The following PALM2AKAP2 variants were observed in gnomAD, a reference collection of about 807,000 sequenced individuals.
PALM2AKAP2 encodes the protein PALM2-AKAP2 fusion protein.
Under a neutral mutation model 71.5 loss-of-function variants are expected in PALM2AKAP2, and 37 were observed. The observed-to-expected ratio is 0.52, with a 90% confidence interval of 0.40 to 0.68. PALM2AKAP2 has a LOEUF of 0.68. PALM2AKAP2 is among the 30% of genes least tolerant of loss of function. PALM2AKAP2 has a pLI of 0.00. For synonymous variants in PALM2AKAP2, 468 were observed against 478.8 expected, an observed-to-expected ratio of 0.98 and a Z score of 0.29; for missense variants, 1,224 against 1,191.8, an observed-to-expected ratio of 1.03 and a Z score of -0.40.
intron 1 of PALM2AKAP2, among the ~76,000 whole-genome samples, chr9:109,670,745 A>G (rs1827560236): frequency 6.6e-6 from 1 of 152,136 alleles, no homozygotes; most frequent in Admixed American, 6.6e-5. Context: ...AACAATGTAT[A>G]AGGATTCCTT....
At chr9:109,742,496 C>T (rs1053895669) in intron 1 of PALM2AKAP2, among the ~76,000 whole-genome samples, 2 of 152,026 alleles carry the variant, frequency 1.3e-5, no homozygotes, top group African/African-American at 4.8e-5. Flanking sequence ...TCCCAGTTTA[C>T]CTTTGCTTTT....
At position 109,797,935 on chromosome 9, in the gene PALM2AKAP2, A is replaced by G. The variant is rs931145386; in HGVS notation, c.45+17402A>G. On this transcript the variant is annotated intron_variant, in intron 1 of 9. Transcript: ENST00000302798. ...TATAAAGGTTCTGTATTAGTTTTCCAGGGCTGTTATAATAAAGTGCCACAA... is the reference window on the plus strand; with the variant it reads ...TATAAAGGTTCTGTATTAGTTTTCCGGGGCTGTTATAATAAAGTGCCACAA... 8.5e-5 allele frequency among the ~76,000 whole-genome samples: 13 copies of G among 152,156 alleles called. No individual in the cohort carries two copies. In the East Asian group the frequency reaches 2.5e-3, roughly 29 times the overall value.
intron 1 of PALM2AKAP2, among the ~76,000 whole-genome samples, chr9:109,641,965 G>A (rs570109294): frequency 2.0e-5 from 3 of 152,282 alleles, no homozygotes; most frequent in African/African-American, 7.2e-5. Context: ...ATGGATTTCA[G>A]GCCCCACCTA....
At chr9:110,009,358 C>A (rs1168927281) in intron 6 of PALM2AKAP2, among the ~76,000 whole-genome samples, 1 of 152,164 alleles carries the variant, frequency 6.6e-6, no homozygotes, top group Non-Finnish European at 1.5e-5. Context: ...TGCTGCTTCA[C>A]CAGGTCTCTT....
intron 1 of PALM2AKAP2, among the ~76,000 whole-genome samples, chr9:109,839,169 T>G (rs1436059368): frequency 5.3e-5 from 8 of 152,064 alleles, no homozygotes; most frequent in Admixed American, 1.3e-4. Flanking sequence ...CAGCAGCATA[T>G]CAAAAAGCTT....
At chr9:110,093,291 A>T (rs1314312815) in intron 1 of PALM2AKAP2, among the ~76,000 whole-genome samples, 1 of 152,118 alleles carries the variant, frequency 6.6e-6, no homozygotes, top group Non-Finnish European at 1.5e-5. Flanking sequence ...TGGATGTGAG[A>T]TGTAATATTT....
intron 1 of PALM2AKAP2, among the ~76,000 whole-genome samples, chr9:110,078,969 G>A (rs1030082823): frequency 6.6e-6 from 1 of 152,334 alleles, no homozygotes. Flanking sequence ...TTTAGGAAAC[G>A]TGTGTAGTTA....
chr9:109,670,813 T>C (rs957805955), intron 1 of PALM2AKAP2, among the ~76,000 whole-genome samples: 3 of 152,226 alleles, frequency 2.0e-5, no homozygotes, highest in African/African-American at 7.2e-5. Context: ...ATAGCCATTC[T>C]GAATGGTGTG....
At chr9:109,837,628 A>G (rs1476676219) in intron 1 of PALM2AKAP2, among the ~76,000 whole-genome samples, 2 of 152,238 alleles carry the variant, frequency 1.3e-5, no homozygotes, top group Admixed American at 1.3e-4. Flanking sequence ...TGTATTCAGG[A>G]GACCCATCTC....
chr9:110,069,526 T>C (rs1250332106), intron 1 of PALM2AKAP2, among the ~76,000 whole-genome samples: 5 of 152,222 alleles, frequency 3.3e-5, no homozygotes, highest in Non-Finnish European at 5.9e-5. Context: ...TTCCATATTC[T>C]TGATGGGGCA....
At chr9:109,833,030 C>G (rs1055890568) in intron 1 of PALM2AKAP2, among the ~76,000 whole-genome samples, 1 of 152,156 alleles carries the variant, frequency 6.6e-6, no homozygotes, top group Non-Finnish European at 1.5e-5. Context: ...CTAGTCCATC[C>G]CACTGAGGAC....
At chr9:109,801,749 G>T (rs574429128) in intron 1 of PALM2AKAP2, among the ~76,000 whole-genome samples, 2 of 152,102 alleles carry the variant, frequency 1.3e-5, no homozygotes, top group Non-Finnish European at 2.9e-5. Context: ...TGTGTGAAGG[G>T]CTGAGAACTG....
chr9:110,114,535 G>T (rs190238575), intron 1 of PALM2AKAP2, among the ~76,000 whole-genome samples: 8 of 152,254 alleles, frequency 5.3e-5, no homozygotes, highest in African/African-American at 1.9e-4. Flanking sequence ...TCTCAGGGAG[G>T]AGAAAATCCC....
intron 1 of PALM2AKAP2, among the ~76,000 whole-genome samples, chr9:109,818,872 G>A (rs574298645): frequency 2.6e-5 from 4 of 152,250 alleles, no homozygotes; most frequent in South Asian, 2.1e-4. Flanking sequence ...CTTCTTTCTA[G>A]TTCTTCAGAG....
At chr9:110,062,764 G>T (rs1833990551) in intron 1 of PALM2AKAP2, among the ~76,000 whole-genome samples, 1 of 152,200 alleles carries the variant, frequency 6.6e-6, no homozygotes, top group African/African-American at 2.4e-5. Flanking sequence ...TTCTCATATA[G>T]TTGTAAAAGG....
At chr9:109,949,989 A>G (rs77100995) in intron 6 of PALM2AKAP2, among the ~76,000 whole-genome samples, 5,679 of 152,224 alleles carry the variant, frequency 0.037, 115 homozygotes, top group Middle Eastern at 0.068. Flanking sequence ...AACCACCAAT[A>G]TAAATCTTAT....
chr9:110,028,571 A>G (rs1833223044), intron 7 of PALM2AKAP2, among the ~76,000 whole-genome samples: 1 of 152,100 alleles, frequency 6.6e-6, no homozygotes, highest in Non-Finnish European at 1.5e-5. Flanking sequence ...TCTCAAAGTG[A>G]GTGTGTGGTG....
At chr9:109,894,692 A>T (rs1016673936) in intron 3 of PALM2AKAP2, among the ~76,000 whole-genome samples, 8 of 152,050 alleles carry the variant, frequency 5.3e-5, no homozygotes, top group Non-Finnish European at 8.8e-5. Flanking sequence ...TTGGGATCAG[A>T]CCCTTGTCCA....
chr9:109,716,636 G>A (rs189219180), intron 1 of PALM2AKAP2, among the ~76,000 whole-genome samples: 1 of 152,334 alleles, frequency 6.6e-6, no homozygotes, highest in Admixed American at 6.5e-5. Context: ...GAAGGCTTTA[G>A]TCAGGGATAG....
Sources: allele counts gnomAD v4.1 joint callset (sites outside exome capture counted in the v4.1 genomes callset), GRCh38; gene constraint gnomAD v4.1.1; transcripts MANE v1.5; gene names NCBI Gene and HGNC (gene_info 2026-07-23, HGNC 2026-07-21).